The following MGAT4C variants were observed in gnomAD, a reference collection of about 807,000 sequenced individuals.
MGAT4C encodes alpha-1,3-mannosyl-glycoprotein 4-beta-N-acetylglucosaminyltransferase C.
MGAT4C carries 19 observed loss-of-function variants against 40.1 expected under a neutral mutation model. The ratio of observed to expected loss-of-function variants is 0.47; its 90% CI spans 0.33 to 0.70. The LOEUF (loss-of-function observed/expected upper bound fraction) is 0.70. MGAT4C is among the 30% of genes least tolerant of loss of function. The probability of loss-of-function intolerance (pLI) is 0.02; values close to 1 mark genes in which losing one functional copy is unlikely to be tolerated. For synonymous variants in MGAT4C, 181 were observed against 187.1 expected (o/e 0.97, Z 0.27); for missense variants, 491 against 563.2 (o/e 0.87, Z 1.30).
At chr12:86,631,146 C>G (rs1037805040) in intron 2 of MGAT4C, among the ~76,000 whole-genome samples, 10 of 152,128 alleles carry the variant, frequency 6.6e-5, no homozygotes, top group Non-Finnish European at 1.2e-4. Flanking sequence ...AATGAACTCC[C>G]ATTCACAATT....
chr12:86,719,741 C>G (rs1950706725), intron 2 of MGAT4C, among the ~76,000 whole-genome samples: 1 of 152,142 alleles, frequency 6.6e-6, no homozygotes, highest in Non-Finnish European at 1.5e-5. Context: ...TTTATACTGT[C>G]CCTGTTCTTG....
chr12:86,096,335 C>T (rs1565975851), intron 1 of MGAT4C, among the ~76,000 whole-genome samples: 1 of 151,188 alleles, frequency 6.6e-6, no homozygotes. Flanking sequence ...TTGTTTTGCT[C>T]CTTTACTTTG....
At chr12:86,400,537 C>T (rs149393479) in intron 3 of MGAT4C, among the ~76,000 whole-genome samples, 3 of 152,278 alleles carry the variant, frequency 2.0e-5, no homozygotes, top group African/African-American at 7.2e-5. Context: ...CCAAGCAAAT[C>T]ACACAAGCCT....
intron 1 of MGAT4C, among the ~76,000 whole-genome samples, chr12:86,253,285 T>C (rs1952378468): frequency 6.6e-6 from 1 of 151,690 alleles, no homozygotes; most frequent in African/African-American, 2.4e-5. Context: ...TGGCACGAAG[T>C]AGATACTCAA....
chr12:86,812,008 C>T (rs1039392483), intron 1 of MGAT4C, among the ~76,000 whole-genome samples: 6 of 152,230 alleles, frequency 3.9e-5, no homozygotes, highest in African/African-American at 1.4e-4. Flanking sequence ...TTGTATGCTC[C>T]ATATGTATTT....
At chr12:86,207,330 T>C (rs1380293594) in intron 1 of MGAT4C, among the ~76,000 whole-genome samples, 2 of 152,138 alleles carry the variant, frequency 1.3e-5, no homozygotes, top group East Asian at 1.9e-4. Flanking sequence ...ACGTGCAGGC[T>C]TGTTACATAG....
chr12:86,097,691 T>C (rs138439561), intron 1 of MGAT4C, among the ~76,000 whole-genome samples: 6 of 151,706 alleles, frequency 4.0e-5, no homozygotes, highest in African/African-American at 1.4e-4. Context: ...AGAAACTACA[T>C]AGGTGTGTTT....
intron 1 of MGAT4C, chr12:86,067,960 C>T (rs890328308): frequency 6.6e-6 from 1 of 152,012 alleles, no homozygotes; most frequent in African/African-American, 2.4e-5. Flanking sequence ...ATCCGTGAGC[C>T]CTGTCAGATG....
At chr12:86,743,214 G>T (rs11836240) in intron 1 of MGAT4C, among the ~76,000 whole-genome samples, 71,257 of 148,198 alleles carry the variant, frequency 0.48, 17,061 homozygotes, top group African/African-American at 0.53. Flanking sequence ...CAATAAGTAC[G>T]GCAGAGTTAA....
At chr12:86,273,858 C>T (rs1471381483) in intron 4 of MGAT4C, among the ~76,000 whole-genome samples, 1 of 152,140 alleles carries the variant, frequency 6.6e-6, no homozygotes, top group Non-Finnish European at 1.5e-5. Flanking sequence ...AAACTTTATG[C>T]AGCTCTGAAG....
rs1249398247 is a variant in MGAT4C, at chr12:86,533,816, C to T, written c.-228-98551G>A. 3.3e-5 allele frequency among the ~76,000 whole-genome samples: 5 copies of T among 151,582 alleles called. No individual in the cohort carries two copies. In the East Asian group the frequency reaches 9.7e-4, roughly 30 times the overall value. On this transcript the variant is annotated intron_variant, in intron 2 of 7. Transcript: ENST00000548651. ...GTTCAGGTCATGATGGGAAGCACCC[C>T]CACCACCCACCCCCAACATTTCTCA...
At chr12:86,817,143 T>C (rs1045710854) in intron 1 of MGAT4C, among the ~76,000 whole-genome samples, 3 of 151,112 alleles carry the variant, frequency 2.0e-5, no homozygotes, top group African/African-American at 7.2e-5. Context: ...ATATAAAATA[T>C]AGAATATATA....
intron 3 of MGAT4C, among the ~76,000 whole-genome samples, chr12:86,423,863 A>G (rs914505314): frequency 6.6e-6 from 1 of 152,196 alleles, no homozygotes. Context: ...TTAAAAATGT[A>G]TCTATTTAGA....
At chr12:86,017,871 T>C (rs568635204) in intron 2 of MGAT4C, among the ~76,000 whole-genome samples, 2 of 152,298 alleles carry the variant, frequency 1.3e-5, no homozygotes, top group Non-Finnish European at 1.5e-5. Context: ...GCAGATAAAG[T>C]ATTAGTTGTA....
chr12:85,996,278 G>A (rs1269535427), intron 2 of MGAT4C, among the ~76,000 whole-genome samples: 2 of 152,058 alleles, frequency 1.3e-5, no homozygotes, highest in African/African-American at 2.4e-5. Context: ...GGAGAGAAAT[G>A]AAATATTTAA....
At chr12:86,432,965 A>T (rs949038052) in intron 3 of MGAT4C, among the ~76,000 whole-genome samples, 32 of 152,042 alleles carry the variant, frequency 2.1e-4, no homozygotes, top group African/African-American at 7.7e-4. Context: ...AGTGGGTATG[A>T]GGCTTGATAG....
At chr12:86,070,959 T>C (rs1868355936) in intron 1 of MGAT4C, among the ~76,000 whole-genome samples, 1 of 152,092 alleles carries the variant, frequency 6.6e-6, no homozygotes, top group African/African-American at 2.4e-5. Context: ...CATTATTATG[T>C]AGAAGATTGT....
intron 2 of MGAT4C, among the ~76,000 whole-genome samples, chr12:86,643,985 A>G (rs1963465671): frequency 6.6e-6 from 1 of 151,762 alleles, no homozygotes; most frequent in Non-Finnish European, 1.5e-5. Context: ...GTGGAATTTA[A>G]GGTTAACTGT....
At chr12:86,249,775 T>C (rs1268202715) in intron 1 of MGAT4C, among the ~76,000 whole-genome samples, 1 of 152,142 alleles carries the variant, frequency 6.6e-6, no homozygotes, top group Non-Finnish European at 1.5e-5. Context: ...TCCCTCTATC[T>C]GAAATATCCT....
Sources: allele counts gnomAD v4.1 joint callset (sites outside exome capture counted in the v4.1 genomes callset), GRCh38; gene constraint gnomAD v4.1.1; transcripts MANE v1.5; gene names NCBI Gene and HGNC (gene_info 2026-07-23, HGNC 2026-07-21).